RBM47: variants seen among roughly 807,000 people sequenced by gnomAD.
RBM47 encodes RNA binding motif protein 47, also known as RNA-binding protein 47.
RBM47 carries 21 observed loss-of-function variants against 47.1 expected under a neutral mutation model. The ratio of observed to expected loss-of-function variants is 0.45; its 90% CI spans 0.32 to 0.64. The LOEUF (loss-of-function observed/expected upper bound fraction) is 0.64, where lower values mean the gene tolerates loss of function less well. Among genes scored for constraint, RBM47 ranks in the 30% least tolerant of loss-of-function variants. The probability of loss-of-function intolerance (pLI) is 0.05; values close to 1 mark genes in which losing one functional copy is unlikely to be tolerated. For missense variants in RBM47, 708 were observed against 870.9 expected, an observed-to-expected ratio of 0.81 and a Z score of 2.35; for synonymous variants, 375 against 361.7, an observed-to-expected ratio of 1.04 and a Z score of -0.42.
intron 1 of RBM47, among the ~76,000 whole-genome samples, chr4:40,625,098 T>C (rs146700643): frequency 6.2e-4 from 95 of 152,262 alleles, no homozygotes; most frequent in African/African-American, 2.2e-3. Flanking sequence ...TCTACCCGCC[T>C]TGGCCTCCCA....
intron 1 of RBM47, among the ~76,000 whole-genome samples, chr4:40,624,986 A>G (rs537873212): frequency 6.8e-6 from 1 of 147,050 alleles, no homozygotes; most frequent in East Asian, 2.1e-4. Flanking sequence ...AGTAGCTGGG[A>G]CTACAGGCAC....
chr4:40,616,864 ATTTTC>A lies in RBM47; in HGVS notation c.-240+12527_-240+12531del, dbSNP rs201690117. ...AAGGAAATCCACTGTTTCATCTTATATTTTCTTTTCTTTTTTTTTTTTTTTTTTTG... is the reference window on the plus strand; with the variant it reads ...AAGGAAATCCACTGTTTCATCTTATATTTTCTTTTTTTTTTTTTTTTTTTG... On this transcript the variant is annotated intron_variant, in intron 1 of 6. Transcript: ENST00000295971. Among the ~76,000 whole-genome samples, 1,341 of 123,226 alleles carry A rather than the reference ATTTTC, an allele frequency of 0.011. 45 individuals carry two copies. In the East Asian group the frequency reaches 0.13, roughly 12 times the overall value. The allele number at this position is 123,226 out of a possible 152,430, so 80.8% of individuals were successfully genotyped here.
intron 6 of RBM47, among the ~76,000 whole-genome samples, chr4:40,430,229 C>CAAACA (rs1479227330): frequency 8.4e-6 from 1 of 119,412 alleles, no homozygotes; most frequent in Non-Finnish European, 1.7e-5. Context: ...AACAAACAAA[C>CAAACA]AAAAAAAGAC....
At chr4:40,564,343 T>G (rs1375053899) in intron 1 of RBM47, among the ~76,000 whole-genome samples, 2 of 152,224 alleles carry the variant, frequency 1.3e-5, no homozygotes, top group Non-Finnish European at 2.9e-5. Context: ...GCAAAGCAGC[T>G]GCCAGTCTGG....
chr4:40,519,021 C>T (rs907908968), intron 2 of RBM47, among the ~76,000 whole-genome samples: 1 of 149,142 alleles, frequency 6.7e-6, no homozygotes, highest in African/African-American at 2.5e-5. Flanking sequence ...TAGTGAGACC[C>T]TTGTTTCTAT....
chr4:40,590,394 A>T (rs550227381), intron 1 of RBM47, among the ~76,000 whole-genome samples: 19 of 145,218 alleles, frequency 1.3e-4, no homozygotes, highest in South Asian at 2.2e-4. Flanking sequence ...GTCTCTTTTT[A>T]AAAAAAAAAC....
intron 3 of RBM47, among the ~76,000 whole-genome samples, chr4:40,447,683 C>A (rs1473837555): frequency 1.3e-5 from 2 of 152,138 alleles, no homozygotes; most frequent in South Asian, 2.1e-4. Flanking sequence ...TCAAGACCAA[C>A]CTGGCCAAGA....
At position 40,473,858 on chromosome 4, in the gene RBM47, A is replaced by C. The variant is rs552721306; in HGVS notation, c.-154-7159T>G. Among the ~76,000 whole-genome samples, 9 of 152,338 alleles carry C rather than the reference A, an allele frequency of 5.9e-5. No homozygotes were observed. The East Asian group carries it at 1.7e-3, about 29-fold the overall frequency. On this transcript the variant is annotated intron_variant, in intron 2 of 6. Coordinates refer to ENST00000295971, the MANE Select transcript of RBM47 (RefSeq NM_001098634.2). ...AATTATCCACCTCTTTCAAATAGCA[A>C]AGAAAATGAACATACTAACATTCTT...
chr4:40,427,380 G>A (rs941626725), intron 6 of RBM47: 7 of 152,188 alleles, frequency 4.6e-5, no homozygotes, highest in African/African-American at 9.7e-5. Flanking sequence ...AACTGTTGAC[G>A]GCCACCACTG....
chr4:40,452,842 T>TC (rs1715656176), intron 3 of RBM47, among the ~76,000 whole-genome samples: 1 of 72,086 alleles, frequency 1.4e-5, no homozygotes, highest in Non-Finnish European at 3.0e-5. Flanking sequence ...ATTTCCTTCT[T>TC]TTTTTTTTTT....
chr4:40,562,277 C>T (rs1730701323), intron 1 of RBM47, among the ~76,000 whole-genome samples: 1 of 151,888 alleles, frequency 6.6e-6, no homozygotes, highest in Non-Finnish European at 1.5e-5. Flanking sequence ...CTTTTGGAAG[C>T]CTGGAAAAAA....
At chr4:40,604,212 G>C (rs1026721579) in intron 1 of RBM47, among the ~76,000 whole-genome samples, 1 of 152,224 alleles carries the variant, frequency 6.6e-6, no homozygotes, top group East Asian at 1.9e-4. Flanking sequence ...GGACCTGGCA[G>C]AGCCAAGTTC....
intron 2 of RBM47, among the ~76,000 whole-genome samples, chr4:40,497,123 C>A (rs1253135057): frequency 1.3e-5 from 2 of 151,692 alleles, no homozygotes; most frequent in Non-Finnish European, 2.9e-5. Flanking sequence ...CAAGGTACAG[C>A]AATTAAATGG....
chr4:40,442,347 T>C (rs113806668), intron 3 of RBM47, among the ~76,000 whole-genome samples: 3 of 152,306 alleles, frequency 2.0e-5, no homozygotes, highest in African/African-American at 7.2e-5. Flanking sequence ...GGATAGTTAT[T>C]ATAAAAACAA....
chr4:40,534,243 GGCCTGAGCCACCATGCCTA>G (rs1187805473), intron 2 of RBM47, among the ~76,000 whole-genome samples: 2 of 152,066 alleles, frequency 1.3e-5, no homozygotes, highest in Admixed American at 1.3e-4. Flanking sequence ...TGGGATTACA[GGCCTGAGCCACCATGCCTA>G]GCCTGGTAAT....
intron 2 of RBM47, among the ~76,000 whole-genome samples, chr4:40,472,404 G>C (rs920085599): frequency 6.6e-6 from 1 of 151,872 alleles, no homozygotes; most frequent in Admixed American, 6.6e-5. Context: ...GTGAAACCCC[G>C]TCTCTGCTAA....
intron 1 of RBM47, among the ~76,000 whole-genome samples, chr4:40,552,883 C>A (rs564638242): frequency 5.9e-5 from 9 of 152,250 alleles, no homozygotes; most frequent in East Asian, 1.9e-4. Context: ...CACCACCCCC[C>A]ATCCTAGCTC....
chr4:40,505,241 C>T (rs1009678544), intron 2 of RBM47, among the ~76,000 whole-genome samples: 1 of 152,002 alleles, frequency 6.6e-6, no homozygotes, highest in African/African-American at 2.4e-5. Context: ...GTAATCCCAG[C>T]ACTTTGGGAG....
rs375922136 is a variant in RBM47 at position 40,512,454 on chromosome 4, G to T, written c.-155+31968C>A. On this transcript the variant is annotated intron_variant, in intron 2 of 6. Coordinates refer to ENST00000295971, the MANE Select transcript of RBM47 (RefSeq NM_001098634.2). Reference sequence around the variant, plus strand: ...AAAAAGGCCGGGTGCGGTGGCTTACGCCTGTAATCCCAGCACTTTGGGAGG... The same window carrying T: ...AAAAAGGCCGGGTGCGGTGGCTTACTCCTGTAATCCCAGCACTTTGGGAGG... Among the ~76,000 whole-genome samples, 31 of 133,172 alleles carry T rather than the reference G, an allele frequency of 2.3e-4. No individual in the cohort carries two copies. In the South Asian group the frequency reaches 7.4e-3, roughly 32 times the overall value. 87.4% of individuals were successfully genotyped at this position (133,172 alleles called of 152,430 possible).
Sources: gnomAD v4.1 joint callset for allele counts (sites outside exome capture counted in the v4.1 genomes callset) on GRCh38, gnomAD v4.1.1 for gene constraint, MANE v1.5 for transcripts, NCBI Gene and HGNC (gene_info 2026-07-23, HGNC 2026-07-21) for gene names.